Variants in WDR27 observed in about 807,000 individuals in gnomAD.
WDR27 encodes WD repeat domain 27.
A neutral mutation model predicts 114.4 loss-of-function variants in WDR27; 100 were observed. That is an observed-to-expected ratio of 0.87 (90% CI 0.74 to 1.03). WDR27 has a LOEUF of 1.03. WDR27 is among the 50% of genes least tolerant of loss of function. The pLI is 0.00. For synonymous variants in WDR27, 449 were observed against 423.1 expected, an observed-to-expected ratio of 1.06 and a Z score of -0.75; for missense variants, 1,129 against 1,092.9, an observed-to-expected ratio of 1.03 and a Z score of -0.47.
Position 169,659,275 on chromosome 6 carries a change from C to T in WDR27, c.1198-68G>A. 3 of 1,557,244 alleles carry T rather than the reference C, an allele frequency of 1.9e-6. No individual in the cohort carries two copies. The highest frequency in any genetic ancestry group is 2.3e-5 in the East Asian group (1 of 44,264). On this transcript the variant is annotated intron_variant, in intron 11 of 25. Coordinates refer to ENST00000448612, the MANE Select transcript of WDR27 (RefSeq NM_182552.5). This position sits in a 1 kb window ranked among gnomAD's most constrained non-coding sequence, Gnocchi z 4.3. ...TAAAAGCAGACGAAACGTGCATCCG[C>T]ACACGTATCCTAACAGCTGCTTCAT...
intron 25 of WDR27, among the ~76,000 whole-genome samples, chr6:169,528,746 C>T (rs183421481): frequency 3.3e-4 from 50 of 152,280 alleles, no homozygotes; most frequent in Middle Eastern, 6.8e-3. Flanking sequence ...AGGCAGGTCT[C>T]GAACTCCCGG....
chr6:169,635,636 C>T (rs1370885221), intron 19 of WDR27, among the ~76,000 whole-genome samples: 1 of 152,246 alleles, frequency 6.6e-6, no homozygotes, highest in Non-Finnish European at 1.5e-5. Flanking sequence ...AAGCCCAACC[C>T]TTGGCAGGTC....
chr6:169,435,487 G>A, the WDR27 span, among the ~76,000 whole-genome samples: 1 of 152,216 alleles, frequency 6.6e-6, no homozygotes, highest in South Asian at 2.1e-4. Context: ...AGCCACAGGG[G>A]TGGAGCTGCT....
intron 25 of WDR27, among the ~76,000 whole-genome samples, chr6:169,462,177 C>T (rs539262511): frequency 1.7e-4 from 26 of 151,280 alleles, no homozygotes; most frequent in African/African-American, 5.8e-4. Flanking sequence ...AGGCTGGGCA[C>T]GATGGCTCAC....
At chr6:169,640,074 G>A (rs1250332902) in intron 17 of WDR27, among the ~76,000 whole-genome samples, 3 of 152,068 alleles carry the variant, frequency 2.0e-5, no homozygotes, top group South Asian at 2.1e-4. Flanking sequence ...GAAGACTGAC[G>A]GGCAGCCTCA....
At position 169,662,364 on chromosome 6, in the gene WDR27, A is replaced by C; in HGVS notation, c.965T>G (p.Phe322Cys). The C allele has an allele frequency of 6.2e-7, 1 of 1,614,056 alleles. No individual in the cohort carries two copies. Reference protein sequence around the residue: ...LGKGEQVEVTFPVLRLAPCDL... With the variant: ...LGKGEQVEVTCPVLRLAPCDL... Reference sequence around the variant, plus strand: ...ACAGGGTGCAAGTCTCAGTACAGGAAATGTTACTTCAACCTGCTCTCCTTT... The same window carrying C: ...ACAGGGTGCAAGTCTCAGTACAGGACATGTTACTTCAACCTGCTCTCCTTT... The change falls in exon 9 of 26, where the codon TTT becomes TGT. Residue 322 changes from phenylalanine (F) to cysteine (C), a missense_variant. Physicochemically the swap from Phe to Cys is radical, Grantham distance 205. Coordinates refer to ENST00000448612, the MANE Select transcript of WDR27 (RefSeq NM_182552.5).
chr6:169,524,117 CAGT>C, intron 25 of WDR27, among the ~76,000 whole-genome samples: 1 of 152,114 alleles, frequency 6.6e-6, no homozygotes, highest in East Asian at 1.9e-4. Flanking sequence ...TTTAAAAAAT[CAGT>C]AGTATTTATA....
chr6:169,529,025 A>G (rs1367132013), intron 25 of WDR27, among the ~76,000 whole-genome samples: 2 of 152,210 alleles, frequency 1.3e-5, no homozygotes, highest in East Asian at 1.9e-4. Flanking sequence ...AAATGTGTTC[A>G]CAGAGATGCT....
intron 24 of WDR27, among the ~76,000 whole-genome samples, chr6:169,577,584 C>T (rs886432123): frequency 1.3e-5 from 2 of 152,128 alleles, no homozygotes; most frequent in African/African-American, 4.8e-5. Flanking sequence ...AGGACGACGG[C>T]GCCTCCGGAA....
chr6:169,489,684 C>G lies in WDR27; in HGVS notation c.2646-32050G>C, dbSNP rs575736020. ...GACTGGCTATTGGTCAGATCCCGCT[C>G]CAGATCAATTCACTCAGCGTTTCCA... is the stretch of plus-strand genomic sequence containing the variant. On this transcript the variant is annotated intron_variant, in intron 25 of 25. Coordinates refer to ENST00000448612, the MANE Select transcript of WDR27 (RefSeq NM_182552.5). 6.6e-5 allele frequency among the ~76,000 whole-genome samples: 10 copies of G among 152,320 alleles called. 1 individual carries two copies. The East Asian group carries it at 1.9e-3, about 29-fold the overall frequency.
intron 25 of WDR27, among the ~76,000 whole-genome samples, chr6:169,546,516 G>A (rs1797474237): frequency 6.6e-6 from 1 of 152,164 alleles, no homozygotes; most frequent in African/African-American, 2.4e-5. Context: ...TGTATCCACA[G>A]TCTCCTCAGA....
intron 8 of WDR27, among the ~76,000 whole-genome samples, chr6:169,663,202 A>G (rs778910862): frequency 7.9e-5 from 12 of 152,154 alleles, no homozygotes; most frequent in African/African-American, 2.2e-4. Flanking sequence ...ACTTAACTTC[A>G]TATTTCCTAA....
At position 169,545,393 on chromosome 6, in the gene WDR27, T is replaced by C. The variant is rs115171992; in HGVS notation, c.2645+27026A>G. Among the ~76,000 whole-genome samples, 1,138 of 152,286 alleles carry C rather than the reference T, an allele frequency of 7.5e-3. 13 individuals are homozygous for C. Among genetic ancestry groups the C allele is most frequent in the East Asian group, 0.033 (173 of 5,186 alleles). On this transcript the variant is annotated intron_variant, in intron 25 of 25. Transcript: ENST00000448612. ...AAAGAAGAATCTATAAAAGGAAAAG[T>C]TGATAAATTATACCTCATCCAGCCA...
chr6:169,562,111 T>C (rs1410522931), intron 25 of WDR27, among the ~76,000 whole-genome samples: 1 of 152,132 alleles, frequency 6.6e-6, no homozygotes, highest in African/African-American at 2.4e-5. Context: ...TAGTCAGAGA[T>C]TTCAGTGCCG....
chr6:169,460,674 C>A (rs1784802158), intron 25 of WDR27, among the ~76,000 whole-genome samples: 1 of 152,166 alleles, frequency 6.6e-6, no homozygotes, highest in Admixed American at 6.5e-5. Flanking sequence ...CATAATTCAA[C>A]TATAGTTGCC....
chr6:169,441,130 T>C, the WDR27 span, among the ~76,000 whole-genome samples: 1 of 152,138 alleles, frequency 6.6e-6, no homozygotes, highest in Admixed American at 6.5e-5. Context: ...TAGAACTTGA[T>C]GCTAAACTCC....
At chr6:169,431,575 T>A in the WDR27 span, among the ~76,000 whole-genome samples, 6 of 152,220 alleles carry the variant, frequency 3.9e-5, no homozygotes, top group Non-Finnish European at 5.9e-5. Context: ...TATGAGGGAT[T>A]TTTTTCCCTG....
chr6:169,454,618 T>C (rs1368947144), downstream of WDR27, among the ~76,000 whole-genome samples: 1 of 152,234 alleles, frequency 6.6e-6, no homozygotes, highest in Non-Finnish European at 1.5e-5. Context: ...TATTCCAGCA[T>C]GTTCAGACCA....
At chr6:169,506,898 G>A (rs1218860270) in intron 25 of WDR27, among the ~76,000 whole-genome samples, 2 of 152,194 alleles carry the variant, frequency 1.3e-5, no homozygotes, top group Non-Finnish European at 2.9e-5. Context: ...ATAACTGAAT[G>A]TGTACCTTTA....
Sources: allele counts gnomAD v4.1 joint callset (sites outside exome capture counted in the v4.1 genomes callset), GRCh38; gene constraint gnomAD v4.1.1; non-coding constraint Gnocchi (gnomAD v3.1); transcripts MANE v1.5; gene names NCBI Gene and HGNC (gene_info 2026-07-23, HGNC 2026-07-21).